The following DISP1 variants were observed in gnomAD, a reference collection of about 807,000 sequenced individuals.
The protein encoded by DISP1 is protein dispatched homolog 1.
In DISP1, 30 loss-of-function variants were observed where a neutral mutation model predicts 37.3. The ratio of observed to expected loss-of-function variants is 0.80; its 90% CI spans 0.60 to 1.09. The LOEUF (loss-of-function observed/expected upper bound fraction) is 1.09, where lower values mean the gene tolerates loss of function less well. Among genes scored for constraint, DISP1 ranks in the 50% least tolerant of loss-of-function variants. The pLI is 0.00. For synonymous variants in DISP1, 634 were observed against 690.2 expected (o/e 0.92, Z 1.28); for missense variants, 1,598 against 1,879.5 (o/e 0.85, Z 2.77).
chr1:222,837,649 A>G (rs193275408), intron 1 of DISP1, among the ~76,000 whole-genome samples: 30 of 152,354 alleles, frequency 2.0e-4, no homozygotes, highest in African/African-American at 6.7e-4. Context: ...ATTCTTAACA[A>G]TTTAACAGAG....
At chr1:222,843,656 C>T (rs1667733862) in intron 1 of DISP1, among the ~76,000 whole-genome samples, 1 of 151,894 alleles carries the variant, frequency 6.6e-6, no homozygotes, top group Non-Finnish European at 1.5e-5. Flanking sequence ...TAATAATTAA[C>T]TAAAAGGAAA....
At position 222,901,149 on chromosome 1, in the gene DISP1, T is replaced by A. The variant is rs532393637; in HGVS notation, c.-158-27281T>A. ...GATGCTGGTGGGTGAATAGCTCTGA[T>A]GGTGATAAGTTGTGGAAGTTCTCTT... On this transcript the variant is annotated intron_variant, in intron 1 of 8. Coordinates refer to ENST00000675850, the MANE Select transcript of DISP1 (RefSeq NM_001377229.1). Among the ~76,000 whole-genome samples the A allele has an allele frequency of 2.6e-5, 4 of 152,308 alleles. No homozygotes were observed. The South Asian group carries it at 8.3e-4, about 32-fold the overall frequency.
intron 3 of DISP1, among the ~76,000 whole-genome samples, chr1:222,966,928 G>A (rs1263424047): frequency 6.6e-6 from 1 of 152,116 alleles, no homozygotes; most frequent in East Asian, 1.9e-4. Context: ...TTGGAAGGCA[G>A]GGACAATACT....
chr1:222,968,677 TA>T (rs1183564075), intron 3 of DISP1, among the ~76,000 whole-genome samples: 1 of 152,218 alleles, frequency 6.6e-6, no homozygotes, highest in Non-Finnish European at 1.5e-5. Flanking sequence ...CTCATGCCTG[TA>T]ATCCTAGCAC....
chr1:222,912,197 G>A (rs555489828), intron 1 of DISP1, among the ~76,000 whole-genome samples: 7 of 152,236 alleles, frequency 4.6e-5, no homozygotes, highest in African/African-American at 1.4e-4. Flanking sequence ...AAAAAAATAA[G>A]TTGGAACTTA....
At position 223,005,614 on chromosome 1, in the gene DISP1, G is replaced by C. The variant is rs372648781; in HGVS notation, c.4217G>C (p.Cys1406Ser). The change falls in exon 9 of 9, where the codon TGT (cysteine) becomes TCT (serine). Residue 1406 changes from cysteine to serine, a missense_variant. Transcript: ENST00000675850. ...AGCACTGGATCGTTACTCAAAACGT[G>C]TTGCGACCCCGAGAATAAACAAAGG... The part of the protein sequence containing the change: ...CRSTGSLLKT[C>S]CDPENKQREL... 1.4e-5 allele frequency: 23 copies of C among 1,608,246 alleles called. No homozygotes were observed. Among genetic ancestry groups the C allele is most frequent in the Non-Finnish European group, 2.0e-5 (23 of 1,177,734 alleles).
Position 222,936,281 on chromosome 1 carries a change from G to A in DISP1, c.-17-6526G>A, listed in dbSNP as rs76087627. Among the ~76,000 whole-genome samples the A allele has an allele frequency of 6.8e-3, 1,031 of 152,184 alleles. 11 individuals carry two copies. The highest frequency in any genetic ancestry group is 0.023 in the African/African-American group (975 of 41,522). ...CACAATGGTGAAATCACCCGATGATGCATGTCTCTGGACATATCCCCGTCC... is the reference window on the plus strand; with the variant it reads ...CACAATGGTGAAATCACCCGATGATACATGTCTCTGGACATATCCCCGTCC... On this transcript the variant is annotated intron_variant, in intron 2 of 8. Transcript: ENST00000675850.
chr1:222,880,297 TAAG>T (rs1014993526), intron 1 of DISP1, among the ~76,000 whole-genome samples: 1 of 152,192 alleles, frequency 6.6e-6, no homozygotes, highest in Non-Finnish European at 1.5e-5. Flanking sequence ...ATCAAGATGT[TAAG>T]AGGGTATTTT....
chr1:222,962,255 T>G (rs1289390640), intron 3 of DISP1, among the ~76,000 whole-genome samples: 4 of 152,108 alleles, frequency 2.6e-5, no homozygotes, highest in African/African-American at 9.7e-5. Context: ...GAAGGAGAAC[T>G]ACAAACCACT....
chr1:222,904,252 T>C (rs1023020864), intron 1 of DISP1, among the ~76,000 whole-genome samples: 1 of 152,232 alleles, frequency 6.6e-6, no homozygotes, highest in Non-Finnish European at 1.5e-5. Context: ...CAAGATTGTC[T>C]GAATTACTTA....
rs562577116 is a variant in DISP1 at position 222,822,538 on chromosome 1, G to T, written c.-159+7460G>T. On this transcript the variant is annotated intron_variant, in intron 1 of 8. Transcript: ENST00000675850. ...CCTGTAATTCCAACTGTTTTTTAAA[G>T]ATGTAATTATATAAACATTGAATTT... is the stretch of plus-strand genomic sequence containing the variant. Among the ~76,000 whole-genome samples, 8 of 152,282 alleles carry T rather than the reference G, an allele frequency of 5.3e-5. No individual in the cohort carries two copies. In the South Asian group the frequency reaches 1.7e-3, roughly 32 times the overall value.
intron 2 of DISP1, among the ~76,000 whole-genome samples, chr1:222,936,857 AT>A (rs562882912): frequency 7.6e-4 from 50 of 65,940 alleles, no homozygotes; most frequent in East Asian, 1.7e-3. Flanking sequence ...TATATGATAT[AT>A]AATTTATATA....
chr1:222,985,751 CT>C (rs1476629689), intron 4 of DISP1, among the ~76,000 whole-genome samples: 1 of 152,184 alleles, frequency 6.6e-6, no homozygotes, highest in Admixed American at 6.5e-5. Context: ...TGTAAATTCC[CT>C]GAGGGCAAGA....
At chr1:222,837,929 A>G (rs559902498) in intron 1 of DISP1, among the ~76,000 whole-genome samples, 10 of 152,298 alleles carry the variant, frequency 6.6e-5, no homozygotes, top group African/African-American at 2.4e-4. Flanking sequence ...TAATGCATAT[A>G]ATGAAAAACA....
In DISP1 at chr1:223,002,446, C is replaced by T; in HGVS notation, c.1049C>T (p.Pro350Leu). 2 of 1,614,086 alleles carry T rather than the reference C, an allele frequency of 1.2e-6. No individual in the cohort carries two copies. Among genetic ancestry groups the T allele is most frequent in the Non-Finnish European group, 1.7e-6 (2 of 1,180,024 alleles). ...AGGACCACTGCTGCCTCCTGCTGCC[C>T]CAGCTGGACACTGGGAAACTACATC... The part of the protein sequence containing the change: ...CQRTTAASCC[P>L]SWTLGNYIAI... The change falls in exon 9 of 9, where the codon CCC becomes CTC. Residue 350 changes from proline (P) to leucine (L), a missense_variant. Pro to Leu is a moderately conservative substitution (Grantham distance 98). Coordinates refer to ENST00000675850, the MANE Select transcript of DISP1 (RefSeq NM_001377229.1).
At chr1:222,998,586 C>T (rs1679232870) in intron 8 of DISP1, among the ~76,000 whole-genome samples, 1 of 152,140 alleles carries the variant, frequency 6.6e-6, no homozygotes, top group African/African-American at 2.4e-5. Flanking sequence ...TCAAAAGGAG[C>T]TTCAGTTGAT....
chr1:222,887,657 C>A (rs113887271), intron 1 of DISP1, among the ~76,000 whole-genome samples: 2,634 of 138,386 alleles, frequency 0.019, 265 homozygotes, highest in African/African-American at 0.065. Flanking sequence ...CGCCACCGCG[C>A]CCGGCTAATT....
chr1:222,862,917 C>A (rs1289662008), intron 1 of DISP1, among the ~76,000 whole-genome samples: 1 of 152,118 alleles, frequency 6.6e-6, no homozygotes, highest in Admixed American at 6.6e-5. Context: ...GTCTCTTTAG[C>A]CTTCTTTAAT....
At chr1:222,977,558 TAA>T (rs771359968) in intron 3 of DISP1, among the ~76,000 whole-genome samples, 8 of 148,328 alleles carry the variant, frequency 5.4e-5, no homozygotes, top group Non-Finnish European at 8.9e-5. Context: ...TATTATACTT[TAA>T]GTCTTAGGTA....
Sources: allele counts gnomAD v4.1 joint callset (sites outside exome capture counted in the v4.1 genomes callset), GRCh38; gene constraint gnomAD v4.1.1; transcripts MANE v1.5; gene names NCBI Gene and HGNC (gene_info 2026-07-23, HGNC 2026-07-21).